Variants in PGA3 observed in about 807,000 individuals in gnomAD.
PGA3 encodes the protein pepsin A-3.
Under a neutral mutation model 15.6 loss-of-function variants are expected in PGA3, and 1 was observed. The ratio of observed to expected loss-of-function variants is 0.06; its 90% confidence interval spans 0.02 to 0.30. The LOEUF (loss-of-function observed/expected upper bound fraction) is 0.30. PGA3 is among the 10% of genes least tolerant of loss of function. The probability of loss-of-function intolerance (pLI) is 1.00; values close to 1 mark genes in which losing one functional copy is unlikely to be tolerated. For missense variants in PGA3, 29 were observed against 183.7 expected (o/e 0.16, Z 4.87); for synonymous variants, 14 against 79.5 (o/e 0.18, Z 4.38).
chr11:61,203,742 C>T, intron 1 of PGA3, 122 bp downstream of exon 1: 3 of 1,551,342 alleles, frequency 1.9e-6, no homozygotes, highest in Non-Finnish European at 2.6e-6. Context: ...CCCTTTTCCG[C>T]CTCTCTCTCT....
rs756940031 is a variant in PGA3, at chr11:61,204,570, C to T, written c.219+301C>T. On this transcript the variant is annotated intron_variant, in intron 2 of 8. Coordinates refer to ENST00000325558, the MANE Select transcript of PGA3 (RefSeq NM_001079807.4). ...AAACTCATAGCCTAGGAGACAAACA[C>T]AGTCATCAAGGGGTCTCGCAAAGCA... is the stretch of plus-strand genomic sequence containing the variant. 9 of 558,394 alleles carry T rather than the reference C, an allele frequency of 1.6e-5. No individual in the cohort carries two copies. The South Asian group carries it at 1.8e-4, about 11-fold the overall frequency. The allele number at this position is 558,394 out of a possible 1,614,324, so 34.6% of individuals were successfully genotyped here.
intron 2 of PGA3, chr11:61,204,674 C>T (rs1161133179): frequency 1.4e-5 from 4 of 277,630 alleles, no homozygotes; most frequent in African/African-American, 8.8e-5. Flanking sequence ...CAGGGAGCCT[C>T]CCTGGAGCCA....
chr11:61,206,048 A>T (rs1853924347), intron 2 of PGA3: 1 of 208,884 alleles, frequency 4.8e-6, no homozygotes, highest in African/African-American at 2.7e-5. Flanking sequence ...CCTGCTGTAC[A>T]CATCTAGACG....
intron 2 of PGA3, chr11:61,204,628 G>A: frequency 2.1e-6 from 1 of 466,746 alleles, no homozygotes; most frequent in African/African-American, 2.0e-5. Flanking sequence ...GGACTACAGA[G>A]TGACGGTGTC....
chr11:61,211,692 G>A (rs1167025642), intron 8 of PGA3, among the ~76,000 whole-genome samples: 2 of 150,330 alleles, frequency 1.3e-5, no homozygotes, highest in Non-Finnish European at 3.0e-5. Context: ...TTGGACCCCT[G>A]GGTCCAAGTC....
intron 8 of PGA3, among the ~76,000 whole-genome samples, chr11:61,211,646 G>A (rs1853948919): frequency 6.7e-6 from 1 of 149,956 alleles, no homozygotes; most frequent in Admixed American, 6.6e-5. Flanking sequence ...GGGAACAAGT[G>A]AAGCAAAGGT....
chr11:61,203,749 C>T, intron 1 of PGA3, 129 bp downstream of exon 1: 5 of 1,525,990 alleles, frequency 3.3e-6, no homozygotes, highest in Non-Finnish European at 4.5e-6. Flanking sequence ...CCGCCTCTCT[C>T]TCTGCCTTTT....
Position 61,203,684 on chromosome 11 carries a change from T to C in PGA3, c.56+64T>C. The C allele has an allele frequency of 2.5e-6, 4 of 1,607,326 alleles. No individual in the cohort carries two copies. In the South Asian group the frequency reaches 4.4e-5, roughly 18 times the overall value. On this transcript the variant is annotated intron_variant, in intron 1 of 8. Coordinates refer to ENST00000325558, the MANE Select transcript of PGA3 (RefSeq NM_001079807.4). Reference sequence around the variant, plus strand: ...CACATCACCTTTCTTTCCTCCCGTGTCTTCCTTCTTCCCTTTTTTCTCCCT... The same window carrying C: ...CACATCACCTTTCTTTCCTCCCGTGCCTTCCTTCTTCCCTTTTTTCTCCCT...
chr11:61,204,675 C>T, intron 2 of PGA3: 1 of 273,422 alleles, frequency 3.7e-6, no homozygotes, highest in Non-Finnish European at 7.1e-6. Flanking sequence ...AGGGAGCCTC[C>T]CTGGAGCCAC....
At position 61,203,594 on chromosome 11, in the gene PGA3, G is replaced by A; in HGVS notation, c.30G>A (p.Val10=). Reference sequence around the variant, plus strand: ...AGTGGCTGCTGCTGCTGGGTCTGGTGGCACTCTCTGAGTGCATCATGTACA... The same window carrying A: ...AGTGGCTGCTGCTGCTGGGTCTGGTAGCACTCTCTGAGTGCATCATGTACA... The part of the protein sequence containing the change: MKWLLLLGL[V]ALSECIMYKV... Residue 10 remains valine, a synonymous_variant, in exon 1 of 9, where the codon GTG becomes GTA. Transcript: ENST00000325558. 1 of 1,607,672 alleles carries A rather than the reference G, an allele frequency of 6.2e-7. No homozygotes were observed. The highest frequency in any genetic ancestry group is 8.5e-7 in the Non-Finnish European group (1 of 1,177,068).
At chr11:61,205,243 G>T (rs1283497830) in intron 2 of PGA3, among the ~76,000 whole-genome samples, 2 of 151,740 alleles carry the variant, frequency 1.3e-5, no homozygotes, top group African/African-American at 4.8e-5. Context: ...CTTAGCATGG[G>T]GTCTGCCAGG....
Position 61,203,555 on chromosome 11 carries a change from G to A in PGA3, c.-10G>A, listed in dbSNP as rs373139279. On this transcript the variant is annotated 5_prime_UTR_variant, in exon 1 of 9. Transcript: ENST00000325558. Reference sequence around the variant, plus strand: ...TGCCTTCTCCCTCGAGTTGGGACCCGGGAAGAACCATGAAGTGGCTGCTGC... The same window carrying A: ...TGCCTTCTCCCTCGAGTTGGGACCCAGGAAGAACCATGAAGTGGCTGCTGC... 416 of 1,608,858 alleles carry A rather than the reference G, an allele frequency of 2.6e-4. No homozygotes were observed. In the African/African-American group the frequency reaches 4.7e-3, roughly 18 times the overall value.
chr11:61,204,609 G>A (rs1156342774), intron 2 of PGA3: 1 of 547,370 alleles, frequency 1.8e-6, no homozygotes, highest in Non-Finnish European at 3.2e-6. Flanking sequence ...AAAGGAACAG[G>A]CAGCAGGAGG....
chr11:61,205,241 G>A (rs1178027667), intron 2 of PGA3, among the ~76,000 whole-genome samples: 3 of 151,864 alleles, frequency 2.0e-5, no homozygotes, highest in Non-Finnish European at 2.9e-5. Flanking sequence ...TGCTTAGCAT[G>A]GGGTCTGCCA....
At chr11:61,205,199 GC>G (rs1853911342) in intron 2 of PGA3, among the ~76,000 whole-genome samples, 1 of 151,936 alleles carries the variant, frequency 6.6e-6, no homozygotes, top group Admixed American at 6.6e-5. Context: ...AGAGGATGTT[GC>G]CAGGAATTAA....
chr11:61,205,303 A>G (rs896612383), intron 2 of PGA3, among the ~76,000 whole-genome samples: 1 of 151,958 alleles, frequency 6.6e-6, no homozygotes, highest in African/African-American at 2.4e-5. Context: ...ACAAATATTT[A>G]ACAAATATTG....
intron 2 of PGA3, chr11:61,205,997 A>G (rs1382557635): frequency 6.7e-6 from 1 of 149,872 alleles, no homozygotes; most frequent in Non-Finnish European, 1.5e-5. Context: ...ACTTGTCTCA[A>G]AAAAAAAGAA....
At chr11:61,205,995 C>A (rs76615875) in intron 2 of PGA3, 54,289 of 130,120 alleles carry the variant, frequency 0.42, 5,803 homozygotes, top group African/African-American at 0.55. Context: ...AGACTTGTCT[C>A]AAAAAAAAAG....
intron 1 of PGA3, 185 bp downstream of exon 1, chr11:61,203,805 A>AC: frequency 5.0e-6 from 5 of 996,322 alleles, no homozygotes; most frequent in Non-Finnish European, 7.5e-6. Context: ...GCCCAGCCTG[A>AC]CTGTGGTTCC....
Sources: allele counts gnomAD v4.1 joint callset (sites outside exome capture counted in the v4.1 genomes callset), GRCh38; gene constraint gnomAD v4.1.1; transcripts MANE v1.5; gene names NCBI Gene and HGNC (gene_info 2026-07-23, HGNC 2026-07-21).